Variants in DPP6 observed in about 807,000 individuals in gnomAD.
The protein encoded by DPP6 is A-type potassium channel modulatory protein DPP6.
DPP6 carries 69 observed loss-of-function variants against 122.6 expected under a neutral mutation model. That is an observed-to-expected ratio of 0.56 (90% CI 0.46 to 0.69). The LOEUF is 0.69. Among genes scored for constraint, DPP6 ranks in the 30% least tolerant of loss-of-function variants. The pLI is 0.00. For missense variants in DPP6, 928 were observed against 1,116.9 expected (o/e 0.83, Z 2.41); for synonymous variants, 418 against 433.1 (o/e 0.97, Z 0.43).
chr7:153,972,035 C>T (rs1255131048), intron 1 of DPP6, among the ~76,000 whole-genome samples: 1 of 150,478 alleles, frequency 6.6e-6, no homozygotes, highest in African/African-American at 2.4e-5. Flanking sequence ...ACACATCATT[C>T]GTGTATTTTT....
At chr7:154,778,559 C>A (rs1376159869) in intron 10 of DPP6, among the ~76,000 whole-genome samples, 1 of 151,186 alleles carries the variant, frequency 6.6e-6, no homozygotes, top group Non-Finnish European at 1.5e-5. Context: ...TTGAGCACCC[C>A]CCCCCAAAAA....
chr7:154,827,726 G>GGT (rs1491576287), intron 16 of DPP6, among the ~76,000 whole-genome samples: 5 of 4,132 alleles, frequency 1.2e-3, no homozygotes, highest in Middle Eastern at 0.071. Context: ...GACGGCTGGC[G>GGT]GGGGGGGGGT....
At chr7:154,091,715 C>T (rs368628648) in intron 1 of DPP6, among the ~76,000 whole-genome samples, 5 of 152,272 alleles carry the variant, frequency 3.3e-5, no homozygotes, top group South Asian at 4.1e-4. Flanking sequence ...TCTTCCCCCC[C>T]TCACCACGTG....
the DPP6 span, among the ~76,000 whole-genome samples, chr7:153,837,262 T>G: frequency 1.3e-5 from 2 of 152,166 alleles, no homozygotes; most frequent in Admixed American, 6.5e-5. Flanking sequence ...AAAATGTGTT[T>G]TTTTTTGTTT....
chr7:154,794,975 T>C (rs1362404847), intron 11 of DPP6, among the ~76,000 whole-genome samples: 1 of 152,152 alleles, frequency 6.6e-6, no homozygotes, highest in East Asian at 1.9e-4. Context: ...GAGAGGCTCC[T>C]AACACGACAG....
At chr7:153,993,680 G>C (rs1797297875) in intron 1 of DPP6, among the ~76,000 whole-genome samples, 2 of 152,180 alleles carry the variant, frequency 1.3e-5, no homozygotes, top group African/African-American at 2.4e-5. Flanking sequence ...GTGAGTTCTG[G>C]TTCCAGAGTT....
chr7:154,070,404 A>G (rs929377346), intron 1 of DPP6, among the ~76,000 whole-genome samples: 3 of 152,110 alleles, frequency 2.0e-5, no homozygotes, highest in African/African-American at 7.2e-5. Flanking sequence ...TTCTCAGAAG[A>G]TAGTTGTGAT....
At chr7:154,499,046 C>G (rs754960873) in intron 3 of DPP6, among the ~76,000 whole-genome samples, 1 of 152,182 alleles carries the variant, frequency 6.6e-6, no homozygotes, top group South Asian at 2.1e-4. Context: ...ACATCTGTCT[C>G]GTGGCCCTGA....
intron 16 of DPP6, among the ~76,000 whole-genome samples, chr7:154,831,493 G>A (rs1189290644): frequency 6.6e-6 from 1 of 152,210 alleles, no homozygotes; most frequent in Non-Finnish European, 1.5e-5. Context: ...AAAACTTTCT[G>A]CACATCATCT....
chr7:154,654,438 A>T (rs1837110002), intron 6 of DPP6, among the ~76,000 whole-genome samples: 1 of 13,342 alleles, frequency 7.5e-5, no homozygotes, highest in African/African-American at 1.0e-4. Context: ...TCTTTTTTTG[A>T]TACAGCGTCT....
chr7:154,588,014 C>T (rs760244585), intron 5 of DPP6: 63 of 1,612,694 alleles, frequency 3.9e-5, no homozygotes, highest in East Asian at 4.5e-5. Context: ...TGTGAGGCAT[C>T]GCATCTGCTC....
intron 5 of DPP6, among the ~76,000 whole-genome samples, chr7:154,581,964 C>T (rs953585231): frequency 1.3e-5 from 2 of 152,196 alleles, no homozygotes; most frequent in Admixed American, 6.5e-5. Context: ...GCCTTAGGCC[C>T]CCTGTCCTGG....
At chr7:154,463,357 G>A (rs553791294) in intron 2 of DPP6, among the ~76,000 whole-genome samples, 60 of 151,862 alleles carry the variant, frequency 4.0e-4, no homozygotes, top group Middle Eastern at 3.4e-3. Flanking sequence ...ACAGGCGCGC[G>A]CCACCACGCC....
chr7:154,492,439 A>G (rs1196712278), intron 3 of DPP6, among the ~76,000 whole-genome samples: 1 of 152,176 alleles, frequency 6.6e-6, no homozygotes, highest in Non-Finnish European at 1.5e-5. Flanking sequence ...CAAAAGAAAA[A>G]AGGACGTCTG....
At chr7:154,312,120 T>C (rs1406273031) in intron 1 of DPP6, among the ~76,000 whole-genome samples, 3 of 152,232 alleles carry the variant, frequency 2.0e-5, no homozygotes, top group African/African-American at 7.2e-5. Context: ...CGACAGGCTG[T>C]GCACATCCTG....
At chr7:154,392,369 C>T (rs2151167461) in intron 1 of DPP6, among the ~76,000 whole-genome samples, 1 of 152,294 alleles carries the variant, frequency 6.6e-6, no homozygotes, top group Non-Finnish European at 1.5e-5. Flanking sequence ...TCAGCAGAAA[C>T]CTCAGTTGAT....
At chr7:154,659,633 C>A (rs1302805742) in intron 6 of DPP6, among the ~76,000 whole-genome samples, 1 of 152,196 alleles carries the variant, frequency 6.6e-6, no homozygotes, top group Non-Finnish European at 1.5e-5. Flanking sequence ...TTGCCTCAAG[C>A]CCTTTGCTTC....
chr7:154,812,160 A>G (rs765044784), intron 16 of DPP6, among the ~76,000 whole-genome samples: 22 of 152,344 alleles, frequency 1.4e-4, no homozygotes, highest in Non-Finnish European at 2.8e-4. Flanking sequence ...CATGTCCCTG[A>G]GAGCAGATAT....
chr7:154,000,318 G>A (rs1032370548), intron 1 of DPP6, among the ~76,000 whole-genome samples: 23 of 152,228 alleles, frequency 1.5e-4, no homozygotes, highest in African/African-American at 4.8e-4. Context: ...GGGGTTGTGT[G>A]TCCTTGCTAG....
Sources: allele counts gnomAD v4.1 joint callset (sites outside exome capture counted in the v4.1 genomes callset), GRCh38; gene constraint gnomAD v4.1.1; transcripts MANE v1.5; gene names NCBI Gene and HGNC (gene_info 2026-07-23, HGNC 2026-07-21).